Variants in DYNC1H1 observed in about 807,000 individuals in gnomAD.
DYNC1H1 encodes cytoplasmic dynein 1 heavy chain 1.
Under a neutral mutation model 527.1 loss-of-function variants are expected in DYNC1H1, and 51 were observed. The ratio of observed to expected loss-of-function variants is 0.10; its 90% CI spans 0.08 to 0.12. The LOEUF (loss-of-function observed/expected upper bound fraction) is 0.12. Ranked by LOEUF, DYNC1H1 falls within the 10% of genes least tolerant of loss-of-function variation. The pLI is 1.00. For missense variants in DYNC1H1, 2,771 were observed against 5,971.8 expected, an observed-to-expected ratio of 0.46 and a Z score of 17.66; for synonymous variants, 2,189 against 2,278.8, an observed-to-expected ratio of 0.96 and a Z score of 1.12.
intron 64 of DYNC1H1, 64 bp downstream of exon 64, chr14:102,040,737 G>C: frequency 1.3e-6 from 2 of 1,580,534 alleles, no homozygotes; most frequent in East Asian, 2.2e-5. Flanking sequence ...TGCTTAAAGG[G>C]ATGCTTTCAA....
rs2048517330 is a variant in DYNC1H1, at chr14:102,032,200, G to A, written c.9884-72G>A. The A allele has an allele frequency of 1.9e-6, 3 of 1,587,136 alleles. No homozygotes were observed. In the East Asian group the frequency reaches 6.7e-5, roughly 35 times the overall value. On this transcript the variant is annotated intron_variant, in intron 51 of 77. Transcript: ENST00000360184. ...TGGAGTTGGAGCTCCTGGCTGTTTT[G>A]GTTCATTCTCACCATGCTTTGCTCT...
rs749792170 is a variant in DYNC1H1, at chr14:102,049,414, C to T, written c.13373-26C>T. 12 of 1,613,436 alleles carry T rather than the reference C, an allele frequency of 7.4e-6. No homozygotes were observed. In the South Asian group the frequency reaches 1.3e-4, roughly 18 times the overall value. On this transcript the variant is annotated intron_variant, in intron 74 of 77. Coordinates refer to ENST00000360184, the MANE Select transcript of DYNC1H1 (RefSeq NM_001376.5). This position sits in a 1 kb window ranked among gnomAD's most constrained non-coding sequence, Gnocchi z 5.5. ...TGGGGGAGTTGTGAGAGCTGACACC[C>T]TGGGCTCTGTGTGCCTTGGCTGCAG...
In DYNC1H1 at chr14:102,049,197, A is replaced by G. The variant is rs2048769925; in HGVS notation, c.13373-243A>G. On this transcript the variant is annotated intron_variant, in intron 74 of 77. Coordinates refer to ENST00000360184, the MANE Select transcript of DYNC1H1 (RefSeq NM_001376.5). The surrounding 1 kb of genome is among the most constrained non-coding windows in gnomAD (Gnocchi z 5.5). Reference sequence around the variant, plus strand: ...TGATTATGGTCCTCCAGAAAGACACACCTGGACTAATTTGACCCTAGAAAC... The same window carrying G: ...TGATTATGGTCCTCCAGAAAGACACGCCTGGACTAATTTGACCCTAGAAAC... 1.2e-5 allele frequency: 7 copies of G among 584,714 alleles called. No homozygotes were observed. The highest frequency in any genetic ancestry group is 2.1e-5 in the Non-Finnish European group (7 of 328,036). 36.2% of individuals were successfully genotyped at this position (584,714 alleles called of 1,614,324 possible).
chr14:102,005,387 G>A lies in DYNC1H1; in HGVS notation c.5433+151G>A. 3 of 1,101,370 alleles carry A rather than the reference G, an allele frequency of 2.7e-6. No homozygotes were observed. The highest frequency in any genetic ancestry group is 2.5e-5 in the South Asian group (2 of 80,060). The allele number at this position is 1,101,370 out of a possible 1,614,324, so 68.2% of individuals were successfully genotyped here. A position where few individuals can be genotyped will look rare whatever the true frequency, so the allele number is the denominator to read the frequency against. ...GATATCCTCTGAGGGTGGGCATTTG[G>A]CTCCCTGTCCCTGTTGAAAGGTAAT... On this transcript the variant is annotated intron_variant, in intron 26 of 77. Transcript: ENST00000360184. This position sits in a 1 kb window ranked among gnomAD's most constrained non-coding sequence, Gnocchi z 4.0.
chr14:102,020,035 C>T lies in DYNC1H1; in HGVS notation c.8486C>T (p.Ala2829Val), dbSNP rs2048367270. 6.2e-7 allele frequency: 1 copy of T among 1,614,204 alleles called. No homozygotes were observed. Among genetic ancestry groups the T allele is most frequent in the Non-Finnish European group, 8.5e-7 (1 of 1,180,038 alleles). ...CTCATTCGGATTTGGGCACATGAAG[C>T]TCTGCGTCTCTTCCAAGATAGGTAA... The part of the protein sequence containing the change: ...EGLIRIWAHE[A>V]LRLFQDRLVE... Residue 2829 changes from alanine (A) to valine (V), a missense_variant, in exon 42 of 78, where the codon GCT (alanine) becomes GTT (valine). Around this residue, in one of 32 missense-constraint regions of DYNC1H1, gnomAD observed 163 missense variants for 346.9 expected, o/e 0.47. Transcript: ENST00000360184. The surrounding 1 kb of genome is among the most constrained non-coding windows in gnomAD (Gnocchi z 4.3).
At chr14:101,967,498 G>GT (rs1459325212) in intron 1 of DYNC1H1, among the ~76,000 whole-genome samples, 3 of 151,974 alleles carry the variant, frequency 2.0e-5, no homozygotes, top group African/African-American at 7.3e-5. Flanking sequence ...TTTTTTATTT[G>GT]TTTGTTTGTT....
intron 7 of DYNC1H1, among the ~76,000 whole-genome samples, chr14:101,984,385 A>G (rs1315463409): frequency 2.1e-5 from 3 of 140,542 alleles, no homozygotes; most frequent in African/African-American, 5.6e-5. Context: ...GTGTGTGTAT[A>G]TATATATGCG....
rs2048658116 is a variant in DYNC1H1 at position 102,042,072 on chromosome 14, T to C, written c.12162T>C (p.His4054=). 2 of 1,613,974 alleles carry C rather than the reference T, an allele frequency of 1.2e-6. No individual in the cohort carries two copies. Among genetic ancestry groups the C allele is most frequent in the African/African-American group, 1.3e-5 (1 of 74,900 alleles). The change falls in exon 66 of 78, where the codon CAT becomes CAC. Residue 4054 remains histidine, a synonymous_variant. Coordinates refer to ENST00000360184, the MANE Select transcript of DYNC1H1 (RefSeq NM_001376.5). This position sits in a 1 kb window ranked among gnomAD's most constrained non-coding sequence, Gnocchi z 5.7. The part of the protein sequence containing the change: ...CSVPGYDASG[H]VEDLAAEQNT... ...TGCCTGGTTATGATGCCAGTGGACA[T>C]GTCGAGGACCTTGCAGCCGAGCAGA...
At chr14:101,977,616 C>A (rs1210261066) in intron 2 of DYNC1H1, among the ~76,000 whole-genome samples, 1 of 152,186 alleles carries the variant, frequency 6.6e-6, no homozygotes, top group Non-Finnish European at 1.5e-5. Flanking sequence ...TACTAATTTT[C>A]CCCTAATTCA....
rs765070068 is a variant in DYNC1H1 at position 102,001,259 on chromosome 14, A to C, written c.4300A>C (p.Ile1434Leu). The change falls in exon 20 of 78, where the codon ATC (isoleucine) becomes CTC (leucine). Residue 1434 changes from isoleucine to leucine, a missense_variant. Coordinates refer to ENST00000360184, the MANE Select transcript of DYNC1H1 (RefSeq NM_001376.5). This position sits in a 1 kb window ranked among gnomAD's most constrained non-coding sequence, Gnocchi z 5.0. ...TGTTTCTGAGCTAACCCTTGGCCAA[A>C]TCTGGGATGTTGACTTGCAGAAAAA... ...WVVSELTLGQ[I>L]WDVDLQKNEA... The C allele has an allele frequency of 1.6e-5, 26 of 1,614,180 alleles. 1 individual carries two copies. The South Asian group carries it at 2.9e-4, about 18-fold the overall frequency.
Position 102,046,010 on chromosome 14 carries a change from C to CA in DYNC1H1, c.13006+1320dup, listed in dbSNP as rs1225473234. ...TGAAACCCCGTCTCTACTAAAAATA[C>CA]AAAAAAAATTAGCCGGGTGTGGTGG... On this transcript the variant is annotated intron_variant, in intron 72 of 77. Transcript: ENST00000360184. Among the ~76,000 whole-genome samples, 5 of 151,456 alleles carry CA rather than the reference C, an allele frequency of 3.3e-5. 1 individual carries two copies. The highest frequency in any genetic ancestry group is 7.3e-5 in the African/African-American group (3 of 41,304).
In DYNC1H1 at chr14:102,041,321, A is replaced by T. The variant is rs2048646605; in HGVS notation, c.11942-253A>T. On this transcript the variant is annotated intron_variant, in intron 64 of 77. Transcript: ENST00000360184. This position sits in a 1 kb window ranked among gnomAD's most constrained non-coding sequence, Gnocchi z 4.5. ...TGTTCTCAGGAAGTGAGCAGGTATTAGTTTAGTAATCTAAAAATCAGCAAA... is the reference window on the plus strand; with the variant it reads ...TGTTCTCAGGAAGTGAGCAGGTATTTGTTTAGTAATCTAAAAATCAGCAAA... 1.8e-6 allele frequency: 1 copy of T among 553,832 alleles called. No individual in the cohort carries two copies. The highest frequency in any genetic ancestry group is 1.9e-5 in the African/African-American group (1 of 52,840). The allele number at this position is 553,832 out of a possible 1,614,324, so 34.3% of individuals were successfully genotyped here. A position where few individuals can be genotyped will look rare whatever the true frequency, so the allele number is the denominator to read the frequency against.
chr14:102,042,898 C>A lies in DYNC1H1; in HGVS notation c.12513+150C>A. On this transcript the variant is annotated intron_variant, in intron 69 of 77. Coordinates refer to ENST00000360184, the MANE Select transcript of DYNC1H1 (RefSeq NM_001376.5). The surrounding 1 kb of genome is among the most constrained non-coding windows in gnomAD (Gnocchi z 5.7). ...GCTTTTCAGCTGTAGGTAAAATTTC[C>A]TTCCATGGCCGGGCACCGTGGCTCA... 1 of 918,474 alleles carries A rather than the reference C, an allele frequency of 1.1e-6. No individual in the cohort carries two copies. The highest frequency in any genetic ancestry group is 1.7e-6 in the Non-Finnish European group (1 of 583,778). The allele number at this position is 918,474 out of a possible 1,614,324, so 56.9% of individuals were successfully genotyped here.
rs1261678333 is a variant in DYNC1H1 at position 102,002,400 on chromosome 14, C to G, written c.4543-137C>G. The G allele has an allele frequency of 3.2e-6, 4 of 1,233,638 alleles. No individual in the cohort carries two copies. Among genetic ancestry groups the G allele is most frequent in the Non-Finnish European group, 4.7e-6 (4 of 855,630 alleles). The allele number at this position is 1,233,638 out of a possible 1,614,324, so 76.4% of individuals were successfully genotyped here. On this transcript the variant is annotated intron_variant, in intron 21 of 77. Transcript: ENST00000360184. The surrounding 1 kb of genome is among the most constrained non-coding windows in gnomAD (Gnocchi z 4.4). ...TGCTGGGATTACAGGCGTGAGCCACCACACCCGTCTACTTGTTGTTTAAAA... is the reference window on the plus strand; with the variant it reads ...TGCTGGGATTACAGGCGTGAGCCACGACACCCGTCTACTTGTTGTTTAAAA...
Position 101,965,642 on chromosome 14 carries a change from G to A in DYNC1H1, c.256+695G>A, listed in dbSNP as rs1353190435. On this transcript the variant is annotated intron_variant, in intron 1 of 77. Coordinates refer to ENST00000360184, the MANE Select transcript of DYNC1H1 (RefSeq NM_001376.5). The surrounding 1 kb of genome is among the most constrained non-coding windows in gnomAD (Gnocchi z 4.1). ...CTGATTTTACACCTGAGGAAACTGAGGCTCAGGTTAAGTGATTTCACCCAA... is the reference window on the plus strand; with the variant it reads ...CTGATTTTACACCTGAGGAAACTGAAGCTCAGGTTAAGTGATTTCACCCAA... 6.6e-6 allele frequency among the ~76,000 whole-genome samples: 1 copy of A among 151,998 alleles called. No individual in the cohort carries two copies. The highest frequency in any genetic ancestry group is 2.4e-5 in the African/African-American group (1 of 41,400).
At position 102,052,533 on chromosome 14, in the gene DYNC1H1, T is replaced by C. The variant is rs10135238; in HGVS notation, c.*1970T>C. 0.35 allele frequency: 53,091 copies of C among 152,258 alleles called. 12,142 individuals carry two copies. The highest frequency in any genetic ancestry group is 0.66 in the African/African-American group (27,438 of 41,488). The allele number at this position is 152,258 out of a possible 1,614,324, so 9.4% of individuals were successfully genotyped here. On this transcript the variant is annotated 3_prime_UTR_variant, in exon 78 of 78. Coordinates refer to ENST00000360184, the MANE Select transcript of DYNC1H1 (RefSeq NM_001376.5). ...CTGGACTGAGTCTGCTCACCTTGGA[T>C]TAGGCCACCTACTGCTTCTTCCTCT...
rs1405485346 is a variant in DYNC1H1 at position 102,004,958 on chromosome 14, A to G, written c.5238+8A>G. On this transcript the variant is annotated splice_region_variant and intron_variant, in intron 25 of 77. Transcript: ENST00000360184. ...TGGATTGATAAATACCAGGTAATCT[A>G]TAGTAGAAGTGAGTGGGCTCGTGGT... 1.9e-6 allele frequency: 3 copies of G among 1,614,228 alleles called. No homozygotes were observed. Among genetic ancestry groups the G allele is most frequent in the South Asian group, 2.2e-5 (2 of 91,084 alleles).
rs17512299 is a variant in DYNC1H1 at position 102,004,050 on chromosome 14, G to A, written c.4884-468G>A. 4.1e-3 allele frequency among the ~76,000 whole-genome samples: 620 copies of A among 152,110 alleles called. 1 individual carries two copies. Among genetic ancestry groups the A allele is most frequent in the Non-Finnish European group, 7.3e-3 (499 of 67,998 alleles). The stretch of plus-strand genomic sequence containing the variant: ...AGGTCAGGAGATCGAGACCATCCTG[G>A]CTAACATGGTGAAACCCCGTCTCTA... On this transcript the variant is annotated intron_variant, in intron 23 of 77. Coordinates refer to ENST00000360184, the MANE Select transcript of DYNC1H1 (RefSeq NM_001376.5).
chr14:102,040,033 T>C (rs1016861406), intron 62 of DYNC1H1, among the ~76,000 whole-genome samples: 8 of 151,900 alleles, frequency 5.3e-5, no homozygotes, highest in Admixed American at 4.6e-4. Flanking sequence ...TAGAGACGGG[T>C]TTTCTTCATG....
Sources: allele counts gnomAD v4.1 joint callset (sites outside exome capture counted in the v4.1 genomes callset), GRCh38; gene constraint gnomAD v4.1.1; regional missense constraint gnomAD v4.1.1; non-coding constraint Gnocchi (gnomAD v3.1); transcripts MANE v1.5; gene names NCBI Gene and HGNC (gene_info 2026-07-23, HGNC 2026-07-21).